The following PCBP2 variants were observed in gnomAD, a reference collection of about 807,000 sequenced individuals.
The protein encoded by PCBP2 is poly(rC)-binding protein 2.
In PCBP2, 4 loss-of-function variants were observed where a neutral mutation model predicts 50.1. The observed-to-expected ratio is 0.08, with a 90% CI of 0.04 to 0.18. The LOEUF (loss-of-function observed/expected upper bound fraction) is 0.18. Among genes scored for constraint, PCBP2 ranks in the 10% least tolerant of loss-of-function variants. The pLI is 1.00. For missense variants in PCBP2, 161 were observed against 474.3 expected, an observed-to-expected ratio of 0.34 and a Z score of 6.14; for synonymous variants, 179 against 168.0, an observed-to-expected ratio of 1.07 and a Z score of -0.51.
At chr12:53,457,782 T>G (rs1314251410) in intron 5 of PCBP2, among the ~76,000 whole-genome samples, 2 of 152,216 alleles carry the variant, frequency 1.3e-5, no homozygotes, top group African/African-American at 4.8e-5. Flanking sequence ...GTTATCAGCC[T>G]AGAGATTAGG....
In PCBP2 at chr12:53,457,915, A is replaced by G. The variant is rs73313219; in HGVS notation, c.244-1357A>G. Among the ~76,000 whole-genome samples, 1,249 of 152,154 alleles carry G rather than the reference A, an allele frequency of 8.2e-3. 15 individuals carry two copies. Among genetic ancestry groups the G allele is most frequent in the African/African-American group, 0.029 (1,207 of 41,494 alleles). On this transcript the variant is annotated intron_variant, in intron 5 of 14. Coordinates refer to ENST00000546463, the MANE Select transcript of PCBP2 (RefSeq NM_031989.5). Reference sequence around the variant, plus strand: ...TATAGGCTTTGAATCAATACAGTCAAATCTATAGGTTTGTTTTTTTTGTTT... The same window carrying G: ...TATAGGCTTTGAATCAATACAGTCAGATCTATAGGTTTGTTTTTTTTGTTT...
At chr12:53,453,032 T>C (rs975216518) in intron 1 of PCBP2, 3 of 152,082 alleles carry the variant, frequency 2.0e-5, no homozygotes, top group Non-Finnish European at 2.9e-5. Flanking sequence ...CCGAGCTATT[T>C]ATGGAAGGGG....
chr12:53,458,597 G>A (rs745340254), intron 5 of PCBP2, among the ~76,000 whole-genome samples: 22 of 151,416 alleles, frequency 1.5e-4, no homozygotes, highest in African/African-American at 4.9e-4. Context: ...ATGAGCCGCC[G>A]TGCCCGGTCT....
Position 53,471,779 on chromosome 12 carries a change from A to G in PCBP2, c.1024A>G (p.Ser342Gly). ...VTITGSAASISLAQYLINVRL... is the reference protein window; with the variant it reads ...VTITGSAASIGLAQYLINVRL... ...CATCACTGGATCTGCTGCCAGCATT[A>G]GCCTGGCTCAATATCTAATCAATGT... Residue 342 changes from serine (S) to glycine (G), a missense_variant, in exon 14 of 15, where the codon AGC (serine) becomes GGC (glycine). Physicochemically the swap from Ser to Gly is moderately conservative, Grantham distance 56. Around this residue, in one of 7 missense-constraint regions of PCBP2, gnomAD observed 51 missense variants for 193.0 expected, o/e 0.26. Transcript: ENST00000546463. 1 of 1,613,008 alleles carries G rather than the reference A, an allele frequency of 6.2e-7. No homozygotes were observed. The highest frequency in any genetic ancestry group is 8.5e-7 in the Non-Finnish European group (1 of 1,179,882).
intron 10 of PCBP2, 128 bp from the exon 11 acceptor site, chr12:53,467,093 A>ACC (rs1265940873): frequency 1.5e-6 from 1 of 666,232 alleles, no homozygotes. Context: ...CCCCATCCCT[A>ACC]CCCTCTGTTG....
intron 14 of PCBP2, among the ~76,000 whole-genome samples, chr12:53,474,432 T>C (rs1321925587): frequency 1.3e-5 from 2 of 152,268 alleles, no homozygotes; most frequent in Non-Finnish European, 2.9e-5. Flanking sequence ...TTTATAAATA[T>C]TCAAAGCTTC....
At chr12:53,466,115 C>T (rs187187962) in intron 10 of PCBP2, 142 bp downstream of exon 10, 79 of 738,226 alleles carry the variant, frequency 1.1e-4, no homozygotes, top group Non-Finnish European at 1.7e-4. Context: ...AGGTCAATCC[C>T]ATATTTTAGC....
intron 14 of PCBP2, among the ~76,000 whole-genome samples, chr12:53,477,108 C>T (rs1005405654): frequency 6.6e-6 from 1 of 152,168 alleles, no homozygotes; most frequent in Non-Finnish European, 1.5e-5. Flanking sequence ...ATCCCCTTCT[C>T]CCTGCGTCAC....
intron 2 of PCBP2, 95 bp from the exon 3 acceptor site, chr12:53,455,252 C>T: frequency 8.5e-7 from 1 of 1,182,942 alleles, no homozygotes; most frequent in Non-Finnish European, 1.2e-6. Context: ...ATGAATACTT[C>T]ATTAGAACAT....
At chr12:53,474,116 C>G (rs1412621884) in intron 14 of PCBP2, among the ~76,000 whole-genome samples, 1 of 152,152 alleles carries the variant, frequency 6.6e-6, no homozygotes, top group South Asian at 2.1e-4. Context: ...GCAGCATTTT[C>G]GCTTAAGTAT....
intron 14 of PCBP2, among the ~76,000 whole-genome samples, chr12:53,478,360 T>A (rs911758551): frequency 1.3e-5 from 2 of 151,780 alleles, no homozygotes; most frequent in African/African-American, 4.8e-5. Context: ...ATACAAAAAT[T>A]AGCTGGGCAT....
At position 53,466,089 on chromosome 12, in the gene PCBP2, AGTT is replaced by A. The variant is rs1345436325; in HGVS notation, c.714+120_714+122del. The A allele has an allele frequency of 5.1e-5, 43 of 851,278 alleles. No individual in the cohort carries two copies. The East Asian group carries it at 1.0e-3, about 21-fold the overall frequency. 52.7% of individuals were successfully genotyped at this position (851,278 alleles called of 1,614,324 possible). On this transcript the variant is annotated intron_variant, in intron 10 of 14. Transcript: ENST00000546463. ...TGGGTCTTCAGCATTTGCAGTATTAAGTTGTTTTCTTCACAAGGTCAATCCCAT... is the reference window on the plus strand; with the variant it reads ...TGGGTCTTCAGCATTTGCAGTATTAAGTTTTCTTCACAAGGTCAATCCCAT...
intron 14 of PCBP2, among the ~76,000 whole-genome samples, chr12:53,476,901 C>T (rs566988249): frequency 1.3e-5 from 2 of 152,274 alleles, no homozygotes; most frequent in Admixed American, 6.5e-5. Context: ...CATCTCCCCC[C>T]AGGGATGTGG....
rs1239485853 is a variant in PCBP2, at chr12:53,455,331, G to C, written c.70-16G>C. 7 of 1,612,340 alleles carry C rather than the reference G, an allele frequency of 4.3e-6. No homozygotes were observed. Among genetic ancestry groups the C allele is most frequent in the Non-Finnish European group, 5.9e-6 (7 of 1,178,902 alleles). Reference sequence around the variant, plus strand: ...TCTGAGTTTCCTCTTACTGACGTTAGTTTTCTCCATTGCAGGAAGTTGGCA... The same window carrying C: ...TCTGAGTTTCCTCTTACTGACGTTACTTTTCTCCATTGCAGGAAGTTGGCA... On this transcript the variant is annotated splice_polypyrimidine_tract_variant and intron_variant, in intron 2 of 14. Transcript: ENST00000546463.
chr12:53,459,797 C>CA, intron 6 of PCBP2: 1 of 421,678 alleles, frequency 2.4e-6, no homozygotes, highest in Non-Finnish European at 4.8e-6. Flanking sequence ...TCTGTCTCCC[C>CA]AGGCTGGAGT....
intron 13 of PCBP2, 58 bp downstream of exon 13, chr12:53,468,890 A>G: frequency 9.1e-7 from 1 of 1,098,998 alleles, no homozygotes; most frequent in Non-Finnish European, 1.4e-6. Context: ...AAAGAAATAG[A>G]TGTCGTTTCA....
At chr12:53,474,595 C>G (rs976390666) in intron 14 of PCBP2, among the ~76,000 whole-genome samples, 1 of 152,184 alleles carries the variant, frequency 6.6e-6, no homozygotes, top group African/African-American at 2.4e-5. Context: ...GTGTCAGATA[C>G]ATGAAGTATG....
intron 8 of PCBP2, 106 bp downstream of exon 8, chr12:53,462,673 A>T: frequency 2.5e-6 from 2 of 786,640 alleles, no homozygotes; most frequent in Non-Finnish European, 4.0e-6. Flanking sequence ...TGAAACCTAT[A>T]CTCTGGCCAT....
intron 8 of PCBP2, chr12:53,464,349 C>T (rs1941673319): frequency 7.9e-6 from 1 of 126,860 alleles, no homozygotes; most frequent in Non-Finnish European, 1.6e-5. Flanking sequence ...AGTTGATGAC[C>T]ACCGTCTAAA....
Sources: gnomAD v4.1 joint callset for allele counts (sites outside exome capture counted in the v4.1 genomes callset) on GRCh38, gnomAD v4.1.1 for gene constraint, gnomAD v4.1.1 regional missense constraint, MANE v1.5 for transcripts, NCBI Gene and HGNC (gene_info 2026-07-23, HGNC 2026-07-21) for gene names.